The following TUSC3 variants were observed in gnomAD, a reference collection of about 807,000 sequenced individuals.
The protein encoded by TUSC3 is dolichyl-diphosphooligosaccharide--protein glycosyltransferase subunit TUSC3.
A neutral mutation model predicts 44.8 loss-of-function variants in TUSC3; 45 were observed. The observed-to-expected ratio is 1.00, with a 90% CI of 0.79 to 1.29. The LOEUF is 1.29. Among genes scored for constraint, TUSC3 ranks in the 50% most tolerant of loss-of-function variants. The pLI is 0.00. For synonymous variants in TUSC3, 212 were observed against 152.9 expected, an observed-to-expected ratio of 1.39 and a Z score of -2.85; for missense variants, 519 against 437.9, an observed-to-expected ratio of 1.19 and a Z score of -1.65.
At chr8:15,852,049 C>A in the TUSC3 span, among the ~76,000 whole-genome samples, 1 of 152,108 alleles carries the variant, frequency 6.6e-6, no homozygotes, top group Non-Finnish European at 1.5e-5. Context: ...TCCCCAGCCA[C>A]GTGGAACTGT....
intron 6 of TUSC3, chr8:15,689,215 C>G (rs1401005002): frequency 5.6e-6 from 2 of 354,820 alleles, no homozygotes; most frequent in Non-Finnish European, 1.1e-5. Flanking sequence ...TCCATTTTCT[C>G]TTCTTTGCAT....
In TUSC3 at chr8:15,594,901, A is replaced by G. The variant is rs369745498; in HGVS notation, c.139-28179A>G. ...GTTGCCCACGGCTCACGGAAACTTC[A>G]TGGGACAGATGGAGTTTTGACTGGA... On this transcript the variant is annotated intron_variant, in intron 1 of 10. Coordinates refer to ENST00000503731, the MANE Select transcript of TUSC3 (RefSeq NM_006765.4). Among the ~76,000 whole-genome samples the G allele has an allele frequency of 1.1e-4, 17 of 152,268 alleles. No individual in the cohort carries two copies. The East Asian group carries it at 3.1e-3, about 28-fold the overall frequency.
intron 1 of TUSC3, among the ~76,000 whole-genome samples, chr8:15,542,514 G>C (rs972088919): frequency 4.6e-5 from 7 of 151,946 alleles, no homozygotes; most frequent in Non-Finnish European, 7.4e-5. Context: ...GGCCCTTTCA[G>C]ATGGCTGGGG....
the TUSC3 span, among the ~76,000 whole-genome samples, chr8:15,841,592 C>T: frequency 1.3e-5 from 2 of 152,068 alleles, no homozygotes; most frequent in African/African-American, 4.8e-5. Context: ...CGGCTCACTG[C>T]AACCCCTGCC....
intron 1 of TUSC3, among the ~76,000 whole-genome samples, chr8:15,474,789 A>G (rs139474101): frequency 6.6e-6 from 1 of 152,272 alleles, no homozygotes; most frequent in East Asian, 1.9e-4. Flanking sequence ...AAAGTTTAGA[A>G]GTTGGTGTTT....
rs116472225 is a variant in TUSC3 at position 15,432,701 on chromosome 8, C to T, written n.91+15396C>T. Among the ~76,000 whole-genome samples, 389 of 152,190 alleles carry T rather than the reference C, an allele frequency of 2.6e-3. 1 individual carries two copies. The highest frequency in any genetic ancestry group is 9.1e-3 in the African/African-American group (378 of 41,534). ...ATGTCTCAATCTTTTAATGAGTATG[C>T]ACCTCCGAACTGTGAACTTAATGTG... On this transcript the variant is annotated intron_variant and non_coding_transcript_variant, in intron 1 of 5. Transcript: ENST00000503191.
chr8:15,667,718 A>G (rs73195194), intron 5 of TUSC3, among the ~76,000 whole-genome samples: 12,403 of 151,796 alleles, frequency 0.082, 755 homozygotes, highest in South Asian at 0.28. Flanking sequence ...GTGGAAATCT[A>G]TGAAATAATT....
chr8:15,767,490 A>C (rs1454226618), downstream of TUSC3, among the ~76,000 whole-genome samples: 7 of 152,072 alleles, frequency 4.6e-5, no homozygotes, highest in Non-Finnish European at 7.4e-5. Flanking sequence ...TTAAAAAAAA[A>C]AGTTTACCAA....
chr8:15,628,471 T>G (rs1805614094), intron 2 of TUSC3, among the ~76,000 whole-genome samples: 1 of 152,190 alleles, frequency 6.6e-6, no homozygotes, highest in African/African-American at 2.4e-5. Flanking sequence ...TTTAAGAAAC[T>G]TAGCATTTTA....
intron 1 of TUSC3, among the ~76,000 whole-genome samples, chr8:15,467,895 T>C (rs1199607320): frequency 4.6e-5 from 7 of 152,158 alleles, no homozygotes; most frequent in Admixed American, 4.6e-4. Flanking sequence ...TTCAACAATA[T>C]AACTCTCCCA....
intron 1 of TUSC3, among the ~76,000 whole-genome samples, chr8:15,430,568 C>G (rs1585785277): frequency 1.3e-5 from 2 of 151,340 alleles, no homozygotes; most frequent in South Asian, 2.1e-4. Context: ...CAAACTGGCA[C>G]AAGACAGGGA....
chr8:15,544,346 T>C (rs1458400343), intron 1 of TUSC3, among the ~76,000 whole-genome samples: 1 of 151,806 alleles, frequency 6.6e-6, no homozygotes, highest in African/African-American at 2.4e-5. Flanking sequence ...GCTCCAATTC[T>C]GTAATTATTT....
At chr8:15,503,135 C>T (rs535145890) in intron 2 of TUSC3, among the ~76,000 whole-genome samples, 6 of 152,034 alleles carry the variant, frequency 3.9e-5, no homozygotes, top group Admixed American at 2.0e-4. Flanking sequence ...AGGGTTGGGT[C>T]TTCAAAGAGG....
chr8:15,675,211 A>T (rs1808130697), intron 6 of TUSC3, among the ~76,000 whole-genome samples: 1 of 151,976 alleles, frequency 6.6e-6, no homozygotes, highest in African/African-American at 2.4e-5. Flanking sequence ...CAAAGATCTG[A>T]TCGCTGTCGT....
chr8:15,671,965 C>G (rs1807966629), intron 5 of TUSC3, among the ~76,000 whole-genome samples: 1 of 151,964 alleles, frequency 6.6e-6, no homozygotes. Context: ...ACAATAGTGC[C>G]TCCAGTAAGT....
At chr8:15,787,429 A>G in the TUSC3 span, among the ~76,000 whole-genome samples, 1 of 152,206 alleles carries the variant, frequency 6.6e-6, no homozygotes, top group Non-Finnish European at 1.5e-5. Context: ...TCAACAGATT[A>G]TATATTTATT....
chr8:15,530,513 A>G (rs541242203), intron 2 of TUSC3, among the ~76,000 whole-genome samples: 1 of 152,306 alleles, frequency 6.6e-6, no homozygotes, highest in Non-Finnish European at 1.5e-5. Flanking sequence ...GAAACTGAGC[A>G]CAGAGATGTG....
chr8:15,545,747 TA>T (rs1243007956), intron 1 of TUSC3, among the ~76,000 whole-genome samples: 1 of 150,652 alleles, frequency 6.6e-6, no homozygotes, highest in Non-Finnish European at 1.5e-5. Context: ...AGCTAAAGAG[TA>T]ATCAACTCTT....
downstream of TUSC3, among the ~76,000 whole-genome samples, chr8:15,770,987 A>G (rs996892514): frequency 6.6e-5 from 10 of 152,190 alleles, no homozygotes; most frequent in African/African-American, 2.4e-4. Flanking sequence ...AACTGTCAAG[A>G]GATCAGGAAA....
Sources: allele counts gnomAD v4.1 joint callset (sites outside exome capture counted in the v4.1 genomes callset), GRCh38; gene constraint gnomAD v4.1.1; transcripts MANE v1.5; gene names NCBI Gene and HGNC (gene_info 2026-07-23, HGNC 2026-07-21).